CNST: variants seen among roughly 807,000 people sequenced by gnomAD.
The protein encoded by CNST is consortin, connexin sorting protein, also known as consortin.
CNST carries 39 observed loss-of-function variants against 72.4 expected under a neutral mutation model. The ratio of observed to expected loss-of-function variants is 0.54; its 90% CI spans 0.42 to 0.70. The LOEUF is 0.70. CNST is among the 30% of genes least tolerant of loss of function. CNST has a pLI of 0.00. For synonymous variants in CNST, 332 were observed against 320.1 expected (o/e 1.04, Z -0.40); for missense variants, 871 against 868.5 (o/e 1.00, Z -0.04).
At chr1:246,590,452 C>T (rs1056618212) in intron 1 of CNST, among the ~76,000 whole-genome samples, 5 of 152,208 alleles carry the variant, frequency 3.3e-5, no homozygotes, top group East Asian at 1.9e-4. Flanking sequence ...TCTCCCTTTT[C>T]GCCTGTCTTA....
intron 1 of CNST, among the ~76,000 whole-genome samples, chr1:246,578,100 TAA>T (rs1302707618): frequency 3.9e-5 from 6 of 152,060 alleles, no homozygotes; most frequent in Non-Finnish European, 7.3e-5. Flanking sequence ...AAACATTAAT[TAA>T]ACACCGTTCA....
At chr1:246,636,515 A>G (rs1336803354) in intron 6 of CNST, among the ~76,000 whole-genome samples, 1 of 152,106 alleles carries the variant, frequency 6.6e-6, no homozygotes, top group African/African-American at 2.4e-5. Context: ...TTTCCTGGCT[A>G]GGGAGGGGAT....
At chr1:246,621,361 A>G in intron 2 of CNST, 68 bp from the exon 3 acceptor site, 4 of 1,227,410 alleles carry the variant, frequency 3.3e-6, no homozygotes, top group Middle Eastern at 2.0e-4. Context: ...ACTATATGTA[A>G]TTGTTTTAAT....
rs764065365 is a variant in CNST at position 246,642,030 on chromosome 1, A to G, written c.930A>G (p.Lys310=). 6.3e-7 allele frequency: 1 copy of G among 1,599,756 alleles called. No homozygotes were observed. The highest frequency in any genetic ancestry group is 1.7e-5 in the Admixed American group (1 of 59,296). The change falls in exon 8 of 11, where the codon AAA becomes AAG. Residue 310 remains lysine (K), a synonymous_variant. Coordinates refer to ENST00000366513, the MANE Select transcript of CNST (RefSeq NM_152609.3). ...EDPKEGGATT[K]ESESKTCLGT... The stretch of plus-strand genomic sequence containing the variant: ...CAAAGGAAGGAGGAGCTACCACCAA[A>G]GAGTCAGGTATGTTTTTAACTTAAG...
chr1:246,659,282 A>C (rs1014833284), intron 9 of CNST, among the ~76,000 whole-genome samples: 5 of 152,040 alleles, frequency 3.3e-5, no homozygotes, highest in African/African-American at 9.7e-5. Flanking sequence ...TAGTTTGCCA[A>C]CCTCTGCATA....
chr1:246,653,058 G>A (rs1455621045), intron 9 of CNST, among the ~76,000 whole-genome samples: 1 of 151,604 alleles, frequency 6.6e-6, no homozygotes, highest in African/African-American at 2.4e-5. Context: ...CATGTTCCTT[G>A]CCCTCTGTCT....
chr1:246,615,337 G>A (rs1663612160), intron 2 of CNST, among the ~76,000 whole-genome samples: 1 of 151,938 alleles, frequency 6.6e-6, no homozygotes, highest in South Asian at 2.1e-4. Flanking sequence ...CACCAGGCCC[G>A]GCTAATTTTT....
chr1:246,655,799 C>G (rs1242365081), intron 9 of CNST, among the ~76,000 whole-genome samples: 1 of 152,178 alleles, frequency 6.6e-6, no homozygotes, highest in Non-Finnish European at 1.5e-5. Context: ...TACTCAAGCC[C>G]TTGAAGCTTG....
At chr1:246,617,565 G>T (rs760022785) in intron 2 of CNST, among the ~76,000 whole-genome samples, 1 of 152,202 alleles carries the variant, frequency 6.6e-6, no homozygotes, top group Non-Finnish European at 1.5e-5. Flanking sequence ...TAAGGTAGAT[G>T]CAACAGCCCC....
At chr1:246,636,049 C>T (rs1243176509) in intron 6 of CNST, among the ~76,000 whole-genome samples, 1 of 152,130 alleles carries the variant, frequency 6.6e-6, no homozygotes, top group African/African-American at 2.4e-5. Flanking sequence ...GCTGGTGTTC[C>T]TAGGATTGTC....
Position 246,597,235 on chromosome 1 carries a change from A to T in CNST, c.379+5294A>T, listed in dbSNP as rs898811771. Among the ~76,000 whole-genome samples, 13 of 152,308 alleles carry T rather than the reference A, an allele frequency of 8.5e-5. 1 individual carries two copies. The highest frequency in any genetic ancestry group is 3.1e-4 in the African/African-American group (13 of 41,566). On this transcript the variant is annotated intron_variant, in intron 2 of 10. Transcript: ENST00000366513. ...TATTTGATTATCTCCATGTAGTTTT[A>T]AAAAACTTGTAATTCGTATACCATA...
At chr1:246,592,773 A>G (rs1359317250) in intron 2 of CNST, among the ~76,000 whole-genome samples, 1 of 152,248 alleles carries the variant, frequency 6.6e-6, no homozygotes, top group Non-Finnish European at 1.5e-5. Context: ...GTTGAATAAG[A>G]CATCTGGTTC....
At chr1:246,600,712 G>C (rs1333747199) in intron 2 of CNST, among the ~76,000 whole-genome samples, 5 of 152,202 alleles carry the variant, frequency 3.3e-5, no homozygotes. Flanking sequence ...AGAGAAGAGA[G>C]TAGAAGACAG....
chr1:246,603,623 CA>C (rs1392560142), intron 2 of CNST, among the ~76,000 whole-genome samples: 2 of 152,058 alleles, frequency 1.3e-5, no homozygotes, highest in African/African-American at 4.8e-5. Context: ...TGCTATTTAG[CA>C]ATGAAAATAA....
intron 2 of CNST, among the ~76,000 whole-genome samples, chr1:246,609,199 C>T (rs1432698191): frequency 6.6e-6 from 1 of 152,170 alleles, no homozygotes; most frequent in Non-Finnish European, 1.5e-5. Context: ...AGTCATAATA[C>T]CCGTGTCTAG....
At chr1:246,605,876 C>T (rs1308588679) in intron 2 of CNST, 1 of 150,608 alleles carries the variant, frequency 6.6e-6, no homozygotes, top group Non-Finnish European at 1.5e-5. Flanking sequence ...CCTCTTCCTG[C>T]TTCTGCTTCT....
intron 4 of CNST, chr1:246,632,299 G>T: frequency 6.7e-6 from 2 of 298,912 alleles, no homozygotes; most frequent in South Asian, 8.5e-5. Context: ...TTTTGAGCTT[G>T]GCAACGTGCG....
chr1:246,634,012 T>TA lies in CNST; in HGVS notation c.703+4dup, dbSNP rs760189053. On this transcript the variant is annotated splice_region_variant and intron_variant, in intron 5 of 10. Transcript: ENST00000366513. The stretch of plus-strand genomic sequence containing the variant: ...TTTCTGCCATTCAAGAACAGTGGGG[T>TA]AAGTACAGACCAACATGGAATGTGG... 1,151 of 1,592,830 alleles carry TA rather than the reference T, an allele frequency of 7.2e-4. 9 individuals are homozygous for TA. The highest frequency in any genetic ancestry group is 1.3e-4 in the Non-Finnish European group (151 of 1,160,616).
At chr1:246,593,695 A>G (rs114733645) in intron 2 of CNST, among the ~76,000 whole-genome samples, 141 of 152,276 alleles carry the variant, frequency 9.3e-4, no homozygotes, top group African/African-American at 3.0e-3. Flanking sequence ...TACTATGTAT[A>G]TATAAATCAG....
Sources: gnomAD v4.1 joint callset for allele counts (sites outside exome capture counted in the v4.1 genomes callset) on GRCh38, gnomAD v4.1.1 for gene constraint, MANE v1.5 for transcripts, NCBI Gene and HGNC (gene_info 2026-07-23, HGNC 2026-07-21) for gene names.